The following PPARD variants were observed in gnomAD, a reference collection of about 807,000 sequenced individuals.
The protein encoded by PPARD is peroxisome proliferator-activated receptor delta.
In PPARD, 6 loss-of-function variants were observed where a neutral mutation model predicts 39.5. The ratio of observed to expected loss-of-function variants is 0.15; its 90% CI spans 0.08 to 0.30. The LOEUF (loss-of-function observed/expected upper bound fraction) is 0.30, where lower values mean the gene tolerates loss of function less well. PPARD is among the 10% of genes least tolerant of loss of function. The probability of loss-of-function intolerance (pLI) is 1.00; values close to 1 mark genes in which losing one functional copy is unlikely to be tolerated. For synonymous variants in PPARD, 210 were observed against 231.3 expected (o/e 0.91, Z 0.83); for missense variants, 397 against 596.8 (o/e 0.67, Z 3.49).
intron 2 of PPARD, among the ~76,000 whole-genome samples, chr6:35,390,190 C>T (rs963918282): frequency 6.6e-6 from 1 of 152,228 alleles, no homozygotes; most frequent in Non-Finnish European, 1.5e-5. Flanking sequence ...ATTACACCTA[C>T]TCCAGAATCA....
chr6:35,376,095 T>G (rs1762800482), intron 2 of PPARD, among the ~76,000 whole-genome samples: 1 of 152,240 alleles, frequency 6.6e-6, no homozygotes, highest in Admixed American at 6.5e-5. Context: ...AGGACTCATT[T>G]ATAAAAGAAA....
chr6:35,426,201 G>T lies in PPARD; in HGVS notation c.*122G>T. The T allele has an allele frequency of 7.3e-7, 1 of 1,362,356 alleles. No individual in the cohort carries two copies. Among genetic ancestry groups the T allele is most frequent in the South Asian group, 1.5e-5 (1 of 68,826 alleles). The allele number at this position is 1,362,356 out of a possible 1,614,324, so 84.4% of individuals were successfully genotyped here. ...CCTGGAGCAGCAGAGTCCCACGATCGCCCTCAGACACATGACACCCACGGC... is the reference window on the plus strand; with the variant it reads ...CCTGGAGCAGCAGAGTCCCACGATCTCCCTCAGACACATGACACCCACGGC... On this transcript the variant is annotated 3_prime_UTR_variant, in exon 8 of 8. Transcript: ENST00000360694.
chr6:35,382,963 C>T (rs1310371155), intron 2 of PPARD, among the ~76,000 whole-genome samples: 1 of 152,218 alleles, frequency 6.6e-6, no homozygotes, highest in Non-Finnish European at 1.5e-5. Flanking sequence ...CACTAGCCCA[C>T]TGGGCAGCGA....
At position 35,424,219 on chromosome 6, in the gene PPARD, G is replaced by C; in HGVS notation, c.627+71G>C. On this transcript the variant is annotated intron_variant, in intron 6 of 7. Transcript: ENST00000360694. The surrounding 1 kb of genome is among the most constrained non-coding windows in gnomAD (Gnocchi z 7.1). Reference sequence around the variant, plus strand: ...TCCCACTGCCGCCTGCCTGACTCCGGGAGAGCCAGGCCTTCTCCCTCCCTC... The same window carrying C: ...TCCCACTGCCGCCTGCCTGACTCCGCGAGAGCCAGGCCTTCTCCCTCCCTC... 1 of 1,593,518 alleles carries C rather than the reference G, an allele frequency of 6.3e-7. No homozygotes were observed. Among genetic ancestry groups the C allele is most frequent in the Non-Finnish European group, 8.6e-7 (1 of 1,168,394 alleles).
chr6:35,416,786 G>A (rs1765800775), intron 3 of PPARD, among the ~76,000 whole-genome samples: 1 of 152,184 alleles, frequency 6.6e-6, no homozygotes, highest in South Asian at 2.1e-4. Context: ...TCACATGCGT[G>A]AGTGATGGCT....
At chr6:35,399,496 C>A (rs973696399) in intron 2 of PPARD, among the ~76,000 whole-genome samples, 1 of 148,780 alleles carries the variant, frequency 6.7e-6, no homozygotes, top group Admixed American at 6.8e-5. Flanking sequence ...ACTTGTGATC[C>A]GGGAGGAGTT....
chr6:35,359,335 A>C (rs888829294), intron 2 of PPARD, among the ~76,000 whole-genome samples: 1 of 152,126 alleles, frequency 6.6e-6, no homozygotes, highest in Non-Finnish European at 1.5e-5. Context: ...GTTCCTTTCC[A>C]TGGGATATTT....
At chr6:35,398,160 A>G (rs569266302) in intron 2 of PPARD, among the ~76,000 whole-genome samples, 3 of 152,190 alleles carry the variant, frequency 2.0e-5, no homozygotes, top group South Asian at 4.1e-4. Context: ...CACAGGAGGG[A>G]CAGAATCTGA....
chr6:35,388,678 C>T (rs1298227607), intron 2 of PPARD, among the ~76,000 whole-genome samples: 1 of 151,934 alleles, frequency 6.6e-6, no homozygotes, highest in African/African-American at 2.4e-5. Flanking sequence ...CGCCACTGCA[C>T]TCCAGCCTGG....
intron 2 of PPARD, among the ~76,000 whole-genome samples, chr6:35,369,571 T>C (rs1044860441): frequency 1.6e-4 from 24 of 152,264 alleles, no homozygotes; most frequent in African/African-American, 5.8e-4. Context: ...ATATGTGATC[T>C]TTTGTGATTG....
At chr6:35,402,450 GC>G (rs1196957103) in intron 2 of PPARD, among the ~76,000 whole-genome samples, 1 of 152,172 alleles carries the variant, frequency 6.6e-6, no homozygotes, top group Non-Finnish European at 1.5e-5. Context: ...CACACCCAAG[GC>G]CCCCTTCTGT....
intron 2 of PPARD, among the ~76,000 whole-genome samples, chr6:35,398,282 G>A (rs768037897): frequency 1.3e-5 from 2 of 152,170 alleles, no homozygotes; most frequent in African/African-American, 4.8e-5. Flanking sequence ...GGCAGGAGAT[G>A]GTGTTGGCTG....
Position 35,426,465 on chromosome 6 carries a change from G to T in PPARD, c.*386G>T. On this transcript the variant is annotated 3_prime_UTR_variant, in exon 8 of 8. Transcript: ENST00000360694. ...ATTATTTCACCAGCAGCATAGAACA[G>T]GACCTCTGCTTTTGCACACCTTTTC... 1 of 233,102 alleles carries T rather than the reference G, an allele frequency of 4.3e-6. No homozygotes were observed. The highest frequency in any genetic ancestry group is 8.5e-6 in the Non-Finnish European group (1 of 118,230). 14.4% of individuals were successfully genotyped at this position (233,102 alleles called of 1,614,324 possible).
At chr6:35,369,428 TATA>T (rs777129930) in intron 2 of PPARD, among the ~76,000 whole-genome samples, 5 of 152,210 alleles carry the variant, frequency 3.3e-5, no homozygotes, top group Non-Finnish European at 7.3e-5. Context: ...AAAGACATCT[TATA>T]ATCCATTAGC....
intron 2 of PPARD, among the ~76,000 whole-genome samples, chr6:35,389,285 T>TG (rs1763866459): frequency 6.6e-6 from 1 of 152,110 alleles, no homozygotes; most frequent in Non-Finnish European, 1.5e-5. Context: ...ACCTGGGTGA[T>TG]GGGTTTTTTT....
At chr6:35,396,123 T>G (rs1764297525) in intron 2 of PPARD, among the ~76,000 whole-genome samples, 1 of 152,116 alleles carries the variant, frequency 6.6e-6, no homozygotes, top group Non-Finnish European at 1.5e-5. Context: ...GGGTCTAGGA[T>G]CCTACATTTC....
At chr6:35,391,399 G>A (rs1455028199) in intron 2 of PPARD, among the ~76,000 whole-genome samples, 1 of 152,190 alleles carries the variant, frequency 6.6e-6, no homozygotes, top group African/African-American at 2.4e-5. Context: ...CATATCTGTT[G>A]GATTGTTTCC....
chr6:35,396,267 C>T (rs1324411051), intron 2 of PPARD, among the ~76,000 whole-genome samples: 3 of 151,348 alleles, frequency 2.0e-5, no homozygotes, highest in Non-Finnish European at 2.9e-5. Flanking sequence ...TGCAGTGGCA[C>T]GATCTTGGCT....
chr6:35,398,385 T>A (rs1581625558), intron 2 of PPARD, among the ~76,000 whole-genome samples: 1 of 152,226 alleles, frequency 6.6e-6, no homozygotes, highest in South Asian at 2.1e-4. Context: ...GACTCTAACT[T>A]AAAGGTTGGA....
Sources: allele counts gnomAD v4.1 joint callset (sites outside exome capture counted in the v4.1 genomes callset), GRCh38; gene constraint gnomAD v4.1.1; non-coding constraint Gnocchi (gnomAD v3.1); transcripts MANE v1.5; gene names NCBI Gene and HGNC (gene_info 2026-07-23, HGNC 2026-07-21).